The following ZNF638 variants were observed in gnomAD, a reference collection of about 807,000 sequenced individuals.
ZNF638 encodes zinc finger protein 638, also known as CTCL tumor antigen se33-1.
A neutral mutation model predicts 195.6 loss-of-function variants in ZNF638; 46 were observed. The observed-to-expected ratio is 0.24, with a 90% CI of 0.19 to 0.30. The LOEUF (loss-of-function observed/expected upper bound fraction) is 0.30. Ranked by LOEUF, ZNF638 falls within the 10% of genes least tolerant of loss-of-function variation. The pLI is 1.00. For missense variants in ZNF638, 2,440 were observed against 2,325.3 expected, an observed-to-expected ratio of 1.05 and a Z score of -1.01; for synonymous variants, 845 against 772.0, an observed-to-expected ratio of 1.09 and a Z score of -1.57.
At chr2:71,383,910 G>A (rs1252294055) in intron 10 of ZNF638, among the ~76,000 whole-genome samples, 1 of 151,354 alleles carries the variant, frequency 6.6e-6, no homozygotes, top group Non-Finnish European at 1.5e-5. Flanking sequence ...CCCTCTTCCT[G>A]GGTGATTTCT....
At chr2:71,421,781 A>G (rs1395280443) in intron 21 of ZNF638, among the ~76,000 whole-genome samples, 1 of 152,186 alleles carries the variant, frequency 6.6e-6, no homozygotes, top group Non-Finnish European at 1.5e-5. Flanking sequence ...CATTATATGA[A>G]TATATTTGGT....
intron 20 of ZNF638, among the ~76,000 whole-genome samples, chr2:71,409,036 C>T (rs901957001): frequency 5.3e-5 from 8 of 152,056 alleles, no homozygotes; most frequent in African/African-American, 1.9e-4. Context: ...TTATATTTTT[C>T]AAGCTGTTAT....
chr2:71,359,309 A>G (rs1198626519), intron 3 of ZNF638, among the ~76,000 whole-genome samples: 2 of 152,166 alleles, frequency 1.3e-5, no homozygotes, highest in African/African-American at 4.8e-5. Flanking sequence ...TCTGAGGCAA[A>G]AGGCCCTATA....
At position 71,400,118 on chromosome 2, in the gene ZNF638, C is replaced by G. The variant is rs767761139; in HGVS notation, c.2594C>G (p.Ser865Cys). ...SNKPVTIPEN[S>C]EIKTSIEVKA... ...AGCAGACTATTTCATGCAGAAAACT[C>G]TGAAATAAAGACCAGTATTGAAGTC... is the stretch of plus-strand genomic sequence containing the variant. Residue 865 changes from serine (S) to cysteine (C), a missense_variant, in exon 14 of 28, where the codon TCT becomes TGT. Around this residue, in one of 5 missense-constraint regions of ZNF638, gnomAD observed 1,883 missense variants for 1,739.1 expected, o/e 1.08. Coordinates refer to ENST00000264447, the MANE Select transcript of ZNF638 (RefSeq NM_014497.5). The G allele has an allele frequency of 6.9e-6, 11 of 1,604,138 alleles. No homozygotes were observed. Among genetic ancestry groups the G allele is most frequent in the Non-Finnish European group, 9.4e-6 (11 of 1,176,232 alleles).
At chr2:71,420,565 A>G (rs2080410192) in intron 21 of ZNF638, among the ~76,000 whole-genome samples, 1 of 152,158 alleles carries the variant, frequency 6.6e-6, no homozygotes, top group African/African-American at 2.4e-5. Flanking sequence ...CTTTTATTGT[A>G]TGCTTTTTCT....
intron 8 of ZNF638, chr2:71,379,617 G>C (rs1397957501): frequency 5.9e-5 from 9 of 152,202 alleles, no homozygotes; most frequent in Non-Finnish European, 4.4e-5. Flanking sequence ...GTGAAAAGTT[G>C]AAAGTTCTGG....
intron 1 of ZNF638, among the ~76,000 whole-genome samples, chr2:71,332,258 G>C (rs2078584561): frequency 6.6e-6 from 1 of 152,262 alleles, no homozygotes; most frequent in African/African-American, 2.4e-5. Context: ...GGCTGCGCTG[G>C]GCCTGACAGC....
chr2:71,336,702 C>T (rs565114914), intron 1 of ZNF638, among the ~76,000 whole-genome samples: 1 of 152,224 alleles, frequency 6.6e-6, no homozygotes, highest in East Asian at 1.9e-4. Context: ...CTCCGGGTAA[C>T]ATTGTTAGCA....
At chr2:71,393,475 A>G (rs2079829065) in intron 10 of ZNF638, 4 of 717,822 alleles carry the variant, frequency 5.6e-6, no homozygotes, top group South Asian at 1.5e-5. Context: ...AGTGAAGGAA[A>G]TGATCCTGCA....
chr2:71,386,784 A>G (rs7557781), intron 10 of ZNF638, among the ~76,000 whole-genome samples: 73,023 of 152,086 alleles, frequency 0.48, 19,046 homozygotes, highest in Admixed American at 0.61. Context: ...ATTAAAAGGC[A>G]TAAAATGAGC....
intron 11 of ZNF638, 140 bp downstream of exon 11, chr2:71,396,331 T>A: frequency 1.5e-6 from 1 of 671,706 alleles, no homozygotes; most frequent in Non-Finnish European, 2.5e-6. Context: ...TATAATCATC[T>A]AGCAATTTTG....
chr2:71,380,411 TG>T (rs1173360704), intron 9 of ZNF638, 101 bp from the exon 10 acceptor site: 1 of 1,170,616 alleles, frequency 8.5e-7, no homozygotes, highest in African/African-American at 1.6e-5. Context: ...TCACTCCAGT[TG>T]AATTATTTTA....
chr2:71,424,372 C>G (rs2080492581), intron 22 of ZNF638, among the ~76,000 whole-genome samples: 2 of 151,802 alleles, frequency 1.3e-5, no homozygotes, highest in Admixed American at 1.3e-4. Context: ...TGTTTCCTCT[C>G]TTAAATTGAA....
At chr2:71,375,577 A>G (rs533806819) in intron 8 of ZNF638, 9 of 152,226 alleles carry the variant, frequency 5.9e-5, no homozygotes, top group Admixed American at 2.6e-4. Flanking sequence ...TACCAGACAC[A>G]TGGCCATCTA....
At chr2:71,361,084 C>T (rs938085613) in intron 3 of ZNF638, among the ~76,000 whole-genome samples, 16 of 152,182 alleles carry the variant, frequency 1.1e-4, no homozygotes, top group South Asian at 2.1e-4. Flanking sequence ...ACCTCAGCCT[C>T]CTGAGTAGCT....
At chr2:71,399,878 C>T (rs1188558092) in intron 13 of ZNF638, among the ~76,000 whole-genome samples, 2 of 152,096 alleles carry the variant, frequency 1.3e-5, no homozygotes, top group African/African-American at 4.8e-5. Flanking sequence ...TTGTTTCCCT[C>T]TATGGGTCCA....
intron 8 of ZNF638, among the ~76,000 whole-genome samples, chr2:71,373,210 T>C (rs1027996729): frequency 3.3e-5 from 5 of 152,194 alleles, no homozygotes; most frequent in African/African-American, 1.2e-4. Flanking sequence ...TTGCATCTTT[T>C]TGATTATTCA....
At chr2:71,342,891 G>GA (rs1456727028) in intron 1 of ZNF638, among the ~76,000 whole-genome samples, 1 of 151,580 alleles carries the variant, frequency 6.6e-6, no homozygotes, top group African/African-American at 2.4e-5. Context: ...TTTTTGTCTT[G>GA]AATATTATGC....
chr2:71,404,107 A>T, intron 17 of ZNF638, 109 bp downstream of exon 17: 6 of 1,122,334 alleles, frequency 5.3e-6, no homozygotes, highest in Non-Finnish European at 7.5e-6. Flanking sequence ...TTTCTCACAG[A>T]CACTGAGAAA....
Sources: gnomAD v4.1 joint callset for allele counts (sites outside exome capture counted in the v4.1 genomes callset) on GRCh38, gnomAD v4.1.1 for gene constraint, gnomAD v4.1.1 regional missense constraint, MANE v1.5 for transcripts, NCBI Gene and HGNC (gene_info 2026-07-23, HGNC 2026-07-21) for gene names.